RALYL: variants seen among roughly 807,000 people sequenced by gnomAD.
The protein encoded by RALYL is RNA-binding Raly-like protein.
RALYL carries 29 observed loss-of-function variants against 35.1 expected under a neutral mutation model. The ratio of observed to expected loss-of-function variants is 0.83; its 90% CI spans 0.61 to 1.13. The LOEUF is 1.13. RALYL is among the 50% of genes most tolerant of loss of function. RALYL has a pLI of 0.00. For synonymous variants in RALYL, 120 were observed against 127.6 expected (o/e 0.94, Z 0.40); for missense variants, 359 against 360.4 (o/e 1.00, Z 0.03).
At chr8:84,436,520 G>A (rs1031233069) in intron 1 of RALYL, among the ~76,000 whole-genome samples, 8 of 140,274 alleles carry the variant, frequency 5.7e-5, no homozygotes, top group Admixed American at 1.4e-4. Flanking sequence ...TAAAAAGAGA[G>A]TGTCTTTTCA....
chr8:84,914,043 C>T (rs1212150313), intron 8 of RALYL, among the ~76,000 whole-genome samples: 1 of 151,904 alleles, frequency 6.6e-6, no homozygotes, highest in Non-Finnish European at 1.5e-5. Flanking sequence ...TATGAGTTAA[C>T]TATATGTTTT....
At chr8:84,887,317 T>A (rs925179996) in intron 7 of RALYL, among the ~76,000 whole-genome samples, 32 of 152,296 alleles carry the variant, frequency 2.1e-4, no homozygotes, top group African/African-American at 7.5e-4. Context: ...GCCAGAAAGA[T>A]CAATCTGTTT....
chr8:84,474,618 G>A (rs949565162), intron 1 of RALYL, among the ~76,000 whole-genome samples: 2 of 152,046 alleles, frequency 1.3e-5, no homozygotes, highest in Non-Finnish European at 2.9e-5. Context: ...CAATTGTAGT[G>A]TGTAATAATC....
chr8:84,669,844 A>G (rs1359081252), intron 2 of RALYL, among the ~76,000 whole-genome samples: 1 of 152,182 alleles, frequency 6.6e-6, no homozygotes, highest in Non-Finnish European at 1.5e-5. Context: ...TCTACTTATT[A>G]AAATAAGCAT....
chr8:84,855,658 T>A (rs1206291813), intron 5 of RALYL, among the ~76,000 whole-genome samples: 1 of 152,240 alleles, frequency 6.6e-6, no homozygotes, highest in African/African-American at 2.4e-5. Flanking sequence ...ATTTATACTC[T>A]AGCAAAGTAA....
At chr8:84,707,935 G>A (rs1204158723) in intron 2 of RALYL, among the ~76,000 whole-genome samples, 3 of 151,992 alleles carry the variant, frequency 2.0e-5, no homozygotes, top group South Asian at 2.1e-4. Flanking sequence ...TTATGCGTGG[G>A]TTTTTGATCA....
At chr8:84,886,075 A>C (rs1231700195) in intron 7 of RALYL, among the ~76,000 whole-genome samples, 1 of 152,152 alleles carries the variant, frequency 6.6e-6, no homozygotes, top group Non-Finnish European at 1.5e-5. Context: ...CTAGAGCTAG[A>C]ATCTTGTCAA....
intron 1 of RALYL, among the ~76,000 whole-genome samples, chr8:84,292,489 C>T (rs768040155): frequency 2.6e-5 from 4 of 152,086 alleles, no homozygotes; most frequent in Non-Finnish European, 4.4e-5. Flanking sequence ...GAGGCTGAAA[C>T]CTACTGGGCT....
intron 1 of RALYL, among the ~76,000 whole-genome samples, chr8:84,233,235 T>C (rs1437811024): frequency 6.6e-6 from 1 of 152,186 alleles, no homozygotes; most frequent in East Asian, 1.9e-4. Context: ...TCTTCCCGAC[T>C]TGGGCTCCCA....
chr8:84,433,130 A>G (rs2047320840), intron 1 of RALYL, among the ~76,000 whole-genome samples: 1 of 152,080 alleles, frequency 6.6e-6, no homozygotes, highest in Non-Finnish European at 1.5e-5. Context: ...AACATCAAAC[A>G]CTTCCTGTGT....
chr8:84,819,246 A>T (rs1272774700), intron 4 of RALYL, among the ~76,000 whole-genome samples: 1 of 152,184 alleles, frequency 6.6e-6, no homozygotes, highest in East Asian at 1.9e-4. Context: ...GAGAGTACAC[A>T]AAGTTTCCAC....
chr8:84,434,789 T>G (rs533770777), intron 1 of RALYL, among the ~76,000 whole-genome samples: 3 of 152,210 alleles, frequency 2.0e-5, no homozygotes, highest in South Asian at 4.1e-4. Context: ...AGATCACAGG[T>G]GCACACCACC....
intron 1 of RALYL, among the ~76,000 whole-genome samples, chr8:84,425,281 G>A (rs1340534712): frequency 1.3e-5 from 2 of 152,114 alleles, no homozygotes; most frequent in Non-Finnish European, 2.9e-5. Flanking sequence ...GGTCTGAAAA[G>A]CGCAATATTC....
At chr8:84,446,191 T>A (rs1269693740) in intron 1 of RALYL, among the ~76,000 whole-genome samples, 1 of 152,060 alleles carries the variant, frequency 6.6e-6, no homozygotes, top group African/African-American at 2.4e-5. Context: ...TGTTTTTCTC[T>A]GCAAACTATT....
intron 1 of RALYL, among the ~76,000 whole-genome samples, chr8:84,433,137 G>A (rs1195732084): frequency 6.6e-6 from 1 of 152,112 alleles, no homozygotes; most frequent in African/African-American, 2.4e-5. Context: ...AACACTTCCT[G>A]TGTGTAATTT....
chr8:84,705,134 G>T (rs868167503), intron 2 of RALYL, among the ~76,000 whole-genome samples: 1 of 152,054 alleles, frequency 6.6e-6, no homozygotes, highest in Admixed American at 6.6e-5. Context: ...AGTGTTCCTG[G>T]GCTTCTGCTG....
intron 1 of RALYL, among the ~76,000 whole-genome samples, chr8:84,516,339 G>A (rs959921696): frequency 7.1e-6 from 1 of 140,212 alleles, no homozygotes; most frequent in African/African-American, 2.5e-5. Flanking sequence ...TACACCAGAA[G>A]TATTTTACTT....
At chr8:84,704,917 T>A (rs576115179) in intron 2 of RALYL, among the ~76,000 whole-genome samples, 5 of 152,328 alleles carry the variant, frequency 3.3e-5, no homozygotes, top group African/African-American at 1.2e-4. Flanking sequence ...TAAAAAAGAA[T>A]AACTTTGAAC....
chr8:84,429,301 A>G (rs1314828710), intron 1 of RALYL, among the ~76,000 whole-genome samples: 1 of 152,190 alleles, frequency 6.6e-6, no homozygotes, highest in East Asian at 1.9e-4. Flanking sequence ...TTGAGTACTT[A>G]CAAACTAAGA....
Sources: allele counts gnomAD v4.1 joint callset (sites outside exome capture counted in the v4.1 genomes callset), GRCh38; gene constraint gnomAD v4.1.1; transcripts MANE v1.5; gene names NCBI Gene and HGNC (gene_info 2026-07-23, HGNC 2026-07-21).